FAT2: variants seen among roughly 807,000 people sequenced by gnomAD.
FAT2 encodes the protein protocadherin Fat 2.
In FAT2, 150 loss-of-function variants were observed where a neutral mutation model predicts 295.3. The ratio of observed to expected loss-of-function variants is 0.51; its 90% CI spans 0.44 to 0.58. The LOEUF is 0.58. Ranked by LOEUF, FAT2 falls within the 20% of genes least tolerant of loss-of-function variation. FAT2 has a pLI of 0.00. For synonymous variants in FAT2, 2,026 were observed against 2,150.3 expected (o/e 0.94, Z 1.60); for missense variants, 4,868 against 5,442.7 (o/e 0.89, Z 3.32).
chr5:151,552,870 A>C (rs1757342905), intron 6 of FAT2, among the ~76,000 whole-genome samples: 1 of 152,188 alleles, frequency 6.6e-6, no homozygotes, highest in African/African-American at 2.4e-5. Context: ...AACACAAAGC[A>C]TTTCTGCTCT....
chr5:151,521,131 G>A (rs1753409788), intron 19 of FAT2, 145 bp downstream of exon 19: 7 of 741,814 alleles, frequency 9.4e-6, no homozygotes, highest in Admixed American at 9.0e-5. Flanking sequence ...GAGGCCACTA[G>A]CCGTCTTATG....
At chr5:151,578,114 G>A (rs1254552236) in intron 1 of FAT2, among the ~76,000 whole-genome samples, 2 of 152,140 alleles carry the variant, frequency 1.3e-5, no homozygotes, top group African/African-American at 4.8e-5. Flanking sequence ...ACAGGGGAAC[G>A]GGGGAACCTC....
At chr5:151,576,577 G>T (rs1286338268) in intron 1 of FAT2, among the ~76,000 whole-genome samples, 1 of 152,018 alleles carries the variant, frequency 6.6e-6, no homozygotes, top group Non-Finnish European at 1.5e-5. Flanking sequence ...TTTTAAATAC[G>T]AAAGAAAGAA....
intron 20 of FAT2, among the ~76,000 whole-genome samples, chr5:151,516,547 C>T (rs916063574): frequency 1.3e-5 from 2 of 152,128 alleles, no homozygotes; most frequent in South Asian, 2.1e-4. Flanking sequence ...TGCAACTCTC[C>T]TCACCCCTGA....
intron 21 of FAT2, 192 bp from the exon 22 acceptor site, chr5:151,510,366 A>G (rs77733292): frequency 1.4e-5 from 8 of 579,204 alleles, no homozygotes; most frequent in African/African-American, 9.4e-5. Context: ...CCTGCCCTCA[A>G]ACAGCTTACA....
In FAT2 at chr5:151,566,900, G is replaced by T; in HGVS notation, c.2032C>A (p.Gln678Lys). Reference sequence around the variant, plus strand: ...AAGTGGAGGATAGTCTTTGTGAATTGTGTCAATACCCCTGTTTTATCACAT... The same window carrying T: ...AAGTGGAGGATAGTCTTTGTGAATTTTGTCAATACCCCTGTTTTATCACAT... ...VTCDKTGVLTQFTKTILHFIG... is the reference protein window; with the variant it reads ...VTCDKTGVLTKFTKTILHFIG... The change falls in exon 2 of 24, where the codon CAA becomes AAA. Residue 678 changes from glutamine to lysine, a missense_variant. Coordinates refer to ENST00000261800, the MANE Select transcript of FAT2 (RefSeq NM_001447.3). 1 of 1,614,170 alleles carries T rather than the reference G, an allele frequency of 6.2e-7. No individual in the cohort carries two copies. Among genetic ancestry groups the T allele is most frequent in the East Asian group, 2.2e-5 (1 of 44,886 alleles).
upstream of FAT2, among the ~76,000 whole-genome samples, chr5:151,592,746 G>A (rs767177962): frequency 1.3e-5 from 2 of 150,646 alleles, no homozygotes; most frequent in African/African-American, 2.4e-5. Context: ...GAACAGATCC[G>A]TTTCCCCTGC....
intron 9 of FAT2, among the ~76,000 whole-genome samples, chr5:151,547,908 C>T (rs1756805759): frequency 6.6e-6 from 1 of 152,044 alleles, no homozygotes; most frequent in African/African-American, 2.4e-5. Flanking sequence ...TTTATACATT[C>T]CTGTATTTTT....
intron 19 of FAT2, among the ~76,000 whole-genome samples, chr5:151,520,613 T>TA (rs1753351259): frequency 6.6e-6 from 1 of 152,226 alleles, no homozygotes; most frequent in African/African-American, 2.4e-5. Context: ...TTATAACTCT[T>TA]ACGTAATTTC....
Position 151,543,731 on chromosome 5 carries a change from G to C in FAT2, c.7396C>G (p.Pro2466Ala). The change falls in exon 10 of 24, where the codon CCT (proline) becomes GCT (alanine). Residue 2466 changes from proline (P) to alanine (A), a missense_variant. Around this residue, in one of 5 missense-constraint regions of FAT2, gnomAD observed 3,297 missense variants for 3,669.4 expected, o/e 0.90. Coordinates refer to ENST00000261800, the MANE Select transcript of FAT2 (RefSeq NM_001447.3). ...GCATTTGTAGTGTTGATGTACACAG[G>C]CACAGTTGCTCGGAAGACTCCATCA... ...ASDGVFRATV[P>A]VYINTTNANK... 1 of 1,614,194 alleles carries C rather than the reference G, an allele frequency of 6.2e-7. No individual in the cohort carries two copies. Among genetic ancestry groups the C allele is most frequent in the Non-Finnish European group, 8.5e-7 (1 of 1,180,038 alleles).
At chr5:151,518,936 T>G (rs113116206) in intron 19 of FAT2, among the ~76,000 whole-genome samples, 4 of 152,254 alleles carry the variant, frequency 2.6e-5, no homozygotes, top group African/African-American at 9.6e-5. Flanking sequence ...GGGGAGAGGA[T>G]GAGCGGTCCA....
At chr5:151,527,963 G>C in intron 16 of FAT2, 33 bp downstream of exon 16, 1 of 1,609,874 alleles carries the variant, frequency 6.2e-7, no homozygotes, top group East Asian at 2.2e-5. Context: ...CTGCTCTAAT[G>C]AGCTCAGGGT....
intron 18 of FAT2, among the ~76,000 whole-genome samples, chr5:151,524,728 C>T (rs1753818256): frequency 1.3e-5 from 2 of 152,188 alleles, no homozygotes; most frequent in Admixed American, 1.3e-4. Context: ...ATTCCCACCC[C>T]TGCTCATGAT....
chr5:151,558,185 A>G (rs1757862736), intron 3 of FAT2, among the ~76,000 whole-genome samples: 1 of 152,232 alleles, frequency 6.6e-6, no homozygotes, highest in African/African-American at 2.4e-5. Context: ...GTCACGTTTT[A>G]AAAAGCCAAT....
intron 11 of FAT2, among the ~76,000 whole-genome samples, chr5:151,539,628 A>G (rs1755893029): frequency 6.6e-6 from 1 of 152,226 alleles, no homozygotes; most frequent in Non-Finnish European, 1.5e-5. Flanking sequence ...GAGATGTTAT[A>G]AAATTAAAAT....
At chr5:151,553,071 G>A in intron 6 of FAT2, 106 bp downstream of exon 6, 1 of 1,165,688 alleles carries the variant, frequency 8.6e-7, no homozygotes, top group Admixed American at 1.9e-5. Flanking sequence ...GGGCTGCCGA[G>A]GAGCCCGACC....
At chr5:151,519,838 C>T (rs962890253) in intron 19 of FAT2, among the ~76,000 whole-genome samples, 1 of 152,086 alleles carries the variant, frequency 6.6e-6, no homozygotes, top group Admixed American at 6.6e-5. Context: ...GCCCTTGCAC[C>T]TGCTGCTTCA....
At chr5:151,592,492 TG>T (rs1345471050), upstream of FAT2, among the ~76,000 whole-genome samples, 1 of 152,120 alleles carries the variant, frequency 6.6e-6, no homozygotes, top group East Asian at 1.9e-4. Flanking sequence ...AGTCTTTGCT[TG>T]CATACCTCTA....
In FAT2 at chr5:151,512,549, G is replaced by A. The variant is rs1354289919; in HGVS notation, c.11521C>T (p.Leu3841Phe). 1.2e-6 allele frequency: 2 copies of A among 1,614,132 alleles called. No individual in the cohort carries two copies. The highest frequency in any genetic ancestry group is 1.7e-6 in the Non-Finnish European group (2 of 1,180,028). Reference sequence around the variant, plus strand: ...TCATTCACATGGCGCTGGGAGGAAAGGTTTCCATAGAAACCACCCAGACAG... The same window carrying A: ...TCATTCACATGGCGCTGGGAGGAAAAGTTTCCATAGAAACCACCCAGACAG... ...YHCLGGFYGNLSSQRHVNDHE... is the reference protein window; with the variant it reads ...YHCLGGFYGNFSSQRHVNDHE... The change falls in exon 21 of 24, where the codon CTT (leucine) becomes TTT (phenylalanine). Residue 3841 changes from leucine (L) to phenylalanine (F), a missense_variant. Coordinates refer to ENST00000261800, the MANE Select transcript of FAT2 (RefSeq NM_001447.3). The surrounding 1 kb of genome is among the most constrained non-coding windows in gnomAD (Gnocchi z 4.1).
Sources: allele counts gnomAD v4.1 joint callset (sites outside exome capture counted in the v4.1 genomes callset), GRCh38; gene constraint gnomAD v4.1.1; regional missense constraint gnomAD v4.1.1; non-coding constraint Gnocchi (gnomAD v3.1); transcripts MANE v1.5; gene names NCBI Gene and HGNC (gene_info 2026-07-23, HGNC 2026-07-21).